Variants in WTAP observed in about 807,000 individuals in gnomAD.
WTAP encodes the protein pre-mRNA-splicing regulator WTAP.
Under a neutral mutation model 50.0 loss-of-function variants are expected in WTAP, and 8 were observed. The observed-to-expected ratio is 0.16, with a 90% confidence interval of 0.09 to 0.29. The LOEUF (loss-of-function observed/expected upper bound fraction) is 0.29, where lower values mean the gene tolerates loss of function less well. WTAP is among the 10% of genes least tolerant of loss of function. WTAP has a pLI of 1.00. For synonymous variants in WTAP, 194 were observed against 169.0 expected (o/e 1.15, Z -1.15); for missense variants, 295 against 470.7 (o/e 0.63, Z 3.45).
At position 159,755,767 on chromosome 6, in the gene WTAP, T is replaced by TTTC. The variant is rs1779989198; in HGVS notation, c.*158_*159insCTT. Reference sequence around the variant, plus strand: ...TTTCTTTGTTTTTTTTTTCTTTTCTTTTTTTTTTTTTTTTTTTTTTTTTGC... The same window carrying TTTC: ...TTTCTTTGTTTTTTTTTTCTTTTCTTTTCTTTTTTTTTTTTTTTTTTTTTTTGC... On this transcript the variant is annotated 3_prime_UTR_variant, in exon 8 of 8. Coordinates refer to ENST00000621533, the MANE Select transcript of WTAP (RefSeq NM_001270531.2). The TTTC allele has an allele frequency of 8.7e-6, 3 of 343,092 alleles. No individual in the cohort carries two copies. The highest frequency in any genetic ancestry group is 1.2e-5 in the Non-Finnish European group (3 of 251,774). 21.3% of individuals were successfully genotyped at this position (343,092 alleles called of 1,614,324 possible).
intron 1 of WTAP, among the ~76,000 whole-genome samples, chr6:159,734,120 T>G (rs1402702393): frequency 3.9e-5 from 6 of 152,204 alleles, no homozygotes; most frequent in Non-Finnish European, 7.3e-5. Context: ...GATTATCTCC[T>G]TTTGAGGAAT....
At chr6:159,736,124 GTTTA>G in intron 1 of WTAP, 130 bp from the exon 2 acceptor site, 1 of 919,070 alleles carries the variant, frequency 1.1e-6, no homozygotes, top group African/African-American at 1.7e-5. Flanking sequence ...TTTTAAAATT[GTTTA>G]TTTAAATTCT....
intron 1 of WTAP, 39 bp downstream of exon 1, chr6:159,727,742 C>G (rs956412406): frequency 2.0e-6 from 2 of 981,366 alleles, no homozygotes; most frequent in East Asian, 1.1e-4. Flanking sequence ...ACGCGGGGGA[C>G]CTCCGGGGCC....
chr6:159,738,539 T>G (rs1467390857), intron 2 of WTAP, among the ~76,000 whole-genome samples: 1 of 152,218 alleles, frequency 6.6e-6, no homozygotes, highest in Non-Finnish European at 1.5e-5. Flanking sequence ...TAAAGCTGCT[T>G]GCATGTTTTC....
At chr6:159,750,535 A>G (rs1439486511) in intron 6 of WTAP, among the ~76,000 whole-genome samples, 1 of 152,210 alleles carries the variant, frequency 6.6e-6, no homozygotes, top group Non-Finnish European at 1.5e-5. Flanking sequence ...GGGTATCATC[A>G]AGATAATTTC....
chr6:159,730,323 T>C (rs902682662), intron 1 of WTAP, among the ~76,000 whole-genome samples: 5 of 152,240 alleles, frequency 3.3e-5, no homozygotes, highest in African/African-American at 1.2e-4. Context: ...CTCCAAATGA[T>C]GTTATGGTCA....
intron 1 of WTAP, among the ~76,000 whole-genome samples, chr6:159,727,918 A>G (rs1200143180): frequency 1.3e-5 from 2 of 152,200 alleles, no homozygotes; most frequent in African/African-American, 4.8e-5. Context: ...TCCGTCCCCA[A>G]GGCCCGGGTT....
chr6:159,755,331 C>T lies in WTAP; in HGVS notation c.911C>T (p.Pro304Leu). ...GGCAACACAACCGAAGATGACTTTCCTTCTTCTCCAGGGAATGGTAATAAG... is the reference window on the plus strand; with the variant it reads ...GGCAACACAACCGAAGATGACTTTCTTTCTTCTCCAGGGAATGGTAATAAG... ...REGNTTEDDF[P>L]SSPGNGNKSS... The change falls in exon 8 of 8, where the codon CCT becomes CTT. Residue 304 changes from proline (P) to leucine (L), a missense_variant. Physicochemically the swap from Pro to Leu is moderately conservative, Grantham distance 98. This residue lies in a region of WTAP where 175 missense variants were observed against 183.1 expected (regional missense o/e 0.96). Transcript: ENST00000621533. 6.2e-7 allele frequency: 1 copy of T among 1,614,198 alleles called. No homozygotes were observed.
intron 2 of WTAP, among the ~76,000 whole-genome samples, chr6:159,738,373 C>G (rs9365091): frequency 0.21 from 32,007 of 152,024 alleles, 3,508 homozygotes; most frequent in East Asian, 0.4. Flanking sequence ...TTCCACTTAG[C>G]ACAGTTTCCT....
At chr6:159,732,886 AGTGTGT>A (rs67554039) in intron 1 of WTAP, among the ~76,000 whole-genome samples, 25 of 146,488 alleles carry the variant, frequency 1.7e-4, no homozygotes, top group South Asian at 4.4e-4. Context: ...ATATATATAT[AGTGTGT>A]GTGTGTGTGT....
intron 4 of WTAP, 119 bp from the exon 5 acceptor site, chr6:159,743,546 A>C: frequency 1.0e-6 from 1 of 966,564 alleles, no homozygotes; most frequent in South Asian, 2.2e-5. Flanking sequence ...TTATAAAAGT[A>C]GTTAGGATGG....
At chr6:159,752,544 G>C (rs1004943945) in intron 6 of WTAP, among the ~76,000 whole-genome samples, 7 of 152,112 alleles carry the variant, frequency 4.6e-5, no homozygotes, top group African/African-American at 1.7e-4. Context: ...ATAATCTGTG[G>C]AAAGTGTGAC....
At chr6:159,727,022 C>G (rs951363257), upstream of WTAP, 14 of 1,238,628 alleles carry the variant, frequency 1.1e-5, no homozygotes, top group African/African-American at 2.0e-4. Flanking sequence ...GGCAGCCCCG[C>G]AGCCGCAGGT....
At position 159,743,645 on chromosome 6, in the gene WTAP, AT is replaced by A. The variant is rs575642633; in HGVS notation, c.146-11del. ...ACTTGATCTTAAAATTGTATTTATAATTTTTTTTTGAATCATCAGCTAATGA... is the reference window on the plus strand; with the variant it reads ...ACTTGATCTTAAAATTGTATTTATAATTTTTTTTGAATCATCAGCTAATGA... On this transcript the variant is annotated intron_variant, in intron 4 of 7. Transcript: ENST00000621533. 778 of 1,549,022 alleles carry A rather than the reference AT, an allele frequency of 5.0e-4. No homozygotes were observed. The highest frequency in any genetic ancestry group is 1.3e-3 in the South Asian group (109 of 80,888).
At chr6:159,736,406 T>C (rs1778919877) in intron 2 of WTAP, 111 bp downstream of exon 2, 1 of 875,224 alleles carries the variant, frequency 1.1e-6, no homozygotes, top group Admixed American at 2.3e-5. Flanking sequence ...TTGCTTATTT[T>C]TCATTTCTTT....
Position 159,755,248 on chromosome 6 carries a change from A to G in WTAP, c.828A>G (p.Gly276=). 2 of 1,614,184 alleles carry G rather than the reference A, an allele frequency of 1.2e-6. No individual in the cohort carries two copies. Among genetic ancestry groups the G allele is most frequent in the African/African-American group, 2.7e-5 (2 of 75,056 alleles). The change falls in exon 8 of 8, where the codon GGA becomes GGG. Residue 276 remains glycine (G), a synonymous_variant. Coordinates refer to ENST00000621533, the MANE Select transcript of WTAP (RefSeq NM_001270531.2). ...AAGACTGCAGTCGTCTGACAAACGG[A>G]CCAAGTAATGGTAGCTCCTCCCGCC... The part of the protein sequence containing the change: ...TSKDCSRLTN[G]PSNGSSSRQR...
intron 1 of WTAP, among the ~76,000 whole-genome samples, chr6:159,732,689 T>G (rs1225503364): frequency 2.0e-5 from 3 of 152,012 alleles, no homozygotes; most frequent in African/African-American, 7.3e-5. Flanking sequence ...CCGGGCGTGG[T>G]GGCAGGCACC....
chr6:159,729,603 A>C (rs1778442671), intron 1 of WTAP, among the ~76,000 whole-genome samples: 1 of 152,212 alleles, frequency 6.6e-6, no homozygotes, highest in African/African-American at 2.4e-5. Flanking sequence ...ATTGTGCTGA[A>C]AGCATTAATA....
chr6:159,733,463 T>A (rs1231687937), intron 1 of WTAP, among the ~76,000 whole-genome samples: 2 of 58,732 alleles, frequency 3.4e-5, no homozygotes, highest in Non-Finnish European at 7.8e-5. Flanking sequence ...CCAAAAAAAA[T>A]TACAAAAAAT....
Sources: gnomAD v4.1 joint callset for allele counts (sites outside exome capture counted in the v4.1 genomes callset) on GRCh38, gnomAD v4.1.1 for gene constraint, gnomAD v4.1.1 regional missense constraint, MANE v1.5 for transcripts, NCBI Gene and HGNC (gene_info 2026-07-23, HGNC 2026-07-21) for gene names.